The following TGM3 variants were observed in gnomAD, a reference collection of about 807,000 sequenced individuals.
TGM3 encodes the protein protein-glutamine gamma-glutamyltransferase E.
A neutral mutation model predicts 73.8 loss-of-function variants in TGM3; 52 were observed. The observed-to-expected ratio is 0.70, with a 90% CI of 0.56 to 0.89. The LOEUF (loss-of-function observed/expected upper bound fraction) is 0.89, where lower values mean the gene tolerates loss of function less well. TGM3 is among the 40% of genes least tolerant of loss of function. TGM3 has a pLI of 0.00. For synonymous variants in TGM3, 372 were observed against 354.9 expected (o/e 1.05, Z -0.54); for missense variants, 928 against 909.9 (o/e 1.02, Z -0.26).
At chr20:2,336,212 T>C (rs2084350493) in intron 11 of TGM3, among the ~76,000 whole-genome samples, 1 of 149,274 alleles carries the variant, frequency 6.7e-6, no homozygotes, top group Non-Finnish European at 1.5e-5. Flanking sequence ...CTGTAGCCCC[T>C]GTGCCTGATC....
rs1416236189 is a variant in TGM3, at chr20:2,339,873, T to A, written c.1820T>A (p.Val607Glu). Residue 607 changes from valine (V) to glutamate (E), a missense_variant, in exon 12 of 13, where the codon GTG (valine) becomes GAG (glutamate). Val to Glu is a moderately radical substitution (Grantham distance 121). Transcript: ENST00000381458. Reference protein sequence around the residue: ...LTLEVLNEARVRKPVNVQMLF... With the variant: ...LTLEVLNEARERKPVNVQMLF... Reference sequence around the variant, plus strand: ...CCATAGGTGCTGAACGAGGCTCGTGTGCGGAAGCCTGTGAACGTGCAGATG... The same window carrying A: ...CCATAGGTGCTGAACGAGGCTCGTGAGCGGAAGCCTGTGAACGTGCAGATG... The A allele has an allele frequency of 1.9e-6, 3 of 1,614,068 alleles. No homozygotes were observed. The highest frequency in any genetic ancestry group is 2.5e-6 in the Non-Finnish European group (3 of 1,180,028).
chr20:2,333,251 G>C (rs1374343682), intron 10 of TGM3, among the ~76,000 whole-genome samples: 1 of 152,204 alleles, frequency 6.6e-6, no homozygotes, highest in East Asian at 1.9e-4. Flanking sequence ...TGTCACACCT[G>C]TCAGAAAGAA....
chr20:2,318,872 CAAAT>C (rs2084249072), intron 7 of TGM3, among the ~76,000 whole-genome samples: 1 of 151,898 alleles, frequency 6.6e-6, no homozygotes, highest in African/African-American at 2.4e-5. Context: ...ACTGTTAAAA[CAAAT>C]AAATAACAAC....
Position 2,340,757 on chromosome 20 carries a change from G to C in TGM3, c.*176G>C. The C allele has an allele frequency of 1.2e-6, 1 of 849,304 alleles. No homozygotes were observed. The highest frequency in any genetic ancestry group is 1.9e-6 in the Non-Finnish European group (1 of 522,460). The allele number at this position is 849,304 out of a possible 1,614,324, so 52.6% of individuals were successfully genotyped here. A position where few individuals can be genotyped will look rare whatever the true frequency, so the allele number is the denominator to read the frequency against. On this transcript the variant is annotated 3_prime_UTR_variant, in exon 13 of 13. Coordinates refer to ENST00000381458, the MANE Select transcript of TGM3 (RefSeq NM_003245.4). ...CCCCTCTCCTCTCCCCCAGGTTGGG[G>C]CTGGGTCCACCCTGTCCTATGACTT...
chr20:2,335,468 T>C (rs1053235078), intron 11 of TGM3, among the ~76,000 whole-genome samples, 195 bp downstream of exon 11: 1 of 152,224 alleles, frequency 6.6e-6, no homozygotes, highest in Non-Finnish European at 1.5e-5. Flanking sequence ...CTCAGGCCCG[T>C]GTTCCTGCTC....
intron 5 of TGM3, 79 bp from the exon 6 acceptor site, chr20:2,316,989 G>C (rs989851972): frequency 1.3e-6 from 2 of 1,530,014 alleles, no homozygotes; most frequent in African/African-American, 2.7e-5. Context: ...TCCCCACCTT[G>C]TCCTCTGAAT....
At position 2,317,932 on chromosome 20, in the gene TGM3, T is replaced by TATATATATC. The variant is rs1555794814; in HGVS notation, c.983+455_983+456insCATATATAT. ...CACATCTTCTCTTAGCATATATATA[T>TATATATATC]ATATATATATCATATATATATATAT... is the stretch of plus-strand genomic sequence containing the variant. On this transcript the variant is annotated intron_variant, in intron 7 of 12. Coordinates refer to ENST00000381458, the MANE Select transcript of TGM3 (RefSeq NM_003245.4). 4.4e-3 allele frequency among the ~76,000 whole-genome samples: 632 copies of TATATATATC among 142,252 alleles called. 4 individuals are homozygous for TATATATATC. The highest frequency in any genetic ancestry group is 0.016 in the African/African-American group (589 of 36,652). 93.3% of individuals were successfully genotyped at this position (142,252 alleles called of 152,430 possible).
intron 7 of TGM3, among the ~76,000 whole-genome samples, chr20:2,318,205 G>C (rs1005809151): frequency 1.3e-5 from 2 of 152,046 alleles, no homozygotes; most frequent in African/African-American, 4.8e-5. Flanking sequence ...TTTTAGTAGA[G>C]ACAGGCTTTC....
chr20:2,339,857 C>T lies in TGM3; in HGVS notation c.1804C>T (p.Leu602=), dbSNP rs376241820. Residue 602 remains leucine, a synonymous_variant, in exon 12 of 13, where the codon CTG becomes TTG. Transcript: ENST00000381458. ...LDNPTLTLEV[L]NEARVRKPVN... is the part of the protein sequence containing the mutation. ...CGGCAGCCCCTCTCCCCCATAGGTG[C>T]TGAACGAGGCTCGTGTGCGGAAGCC... 1.2e-6 allele frequency: 2 copies of T among 1,613,930 alleles called. No homozygotes were observed. The highest frequency in any genetic ancestry group is 2.7e-5 in the African/African-American group (2 of 74,938).
chr20:2,339,762 C>T lies in TGM3; in HGVS notation c.1801-92C>T, dbSNP rs45482797. ...TTCTTCATCCTCAGTGACATCACCC[C>T]CTTCACTCAGTCACCCTGCCCAGCC... On this transcript the variant is annotated intron_variant, in intron 11 of 12. Coordinates refer to ENST00000381458, the MANE Select transcript of TGM3 (RefSeq NM_003245.4). 1,143 of 1,554,758 alleles carry T rather than the reference C, an allele frequency of 7.4e-4. 4 individuals carry two copies. The African/African-American group carries it at 0.014, about 19-fold the overall frequency.
intron 5 of TGM3, among the ~76,000 whole-genome samples, chr20:2,316,211 T>C (rs544895135): frequency 6.6e-5 from 10 of 152,290 alleles, no homozygotes; most frequent in Admixed American, 1.3e-4. Flanking sequence ...AATGAACAAA[T>C]AGCTGAATGA....
chr20:2,306,162 G>T (rs1484170472), intron 1 of TGM3, among the ~76,000 whole-genome samples: 1 of 152,164 alleles, frequency 6.6e-6, no homozygotes, highest in East Asian at 1.9e-4. Flanking sequence ...AGCAAAGAAG[G>T]GTGTGGGCCT....
chr20:2,329,019 C>G (rs45611240), intron 9 of TGM3, among the ~76,000 whole-genome samples: 1 of 152,240 alleles, frequency 6.6e-6, no homozygotes, highest in Admixed American at 6.5e-5. Context: ...AGCAGCGCAT[C>G]TCTTGGAGCA....
intron 8 of TGM3, among the ~76,000 whole-genome samples, chr20:2,327,470 G>A (rs2084294781): frequency 6.6e-6 from 1 of 152,066 alleles, no homozygotes; most frequent in African/African-American, 2.4e-5. Context: ...GAGCACGACT[G>A]CATCTCAAAA....
At chr20:2,330,645 C>T (rs1351868883) in intron 9 of TGM3, among the ~76,000 whole-genome samples, 1 of 152,182 alleles carries the variant, frequency 6.6e-6, no homozygotes, top group African/African-American at 2.4e-5. Context: ...ACGAGTTGGC[C>T]TCTGAAGTCT....
rs767417627 is a variant in TGM3, at chr20:2,317,432, T to A, written c.930T>A (p.Asp310Glu). 2 of 1,614,242 alleles carry A rather than the reference T, an allele frequency of 1.2e-6. No individual in the cohort carries two copies. The highest frequency in any genetic ancestry group is 2.2e-5 in the South Asian group (2 of 91,088). ...AHDTDRNLSV[D>E]VYYDPMGNPL... ...ACACAGACCGAAATCTCAGTGTGGA[T>A]GTGTACTACGACCCCATGGGAAACC... Residue 310 changes from aspartate (D) to glutamate (E), a missense_variant, in exon 7 of 13, where the codon GAT becomes GAA. By Grantham distance (45) the Asp-to-Glu change is conservative. Transcript: ENST00000381458.
intron 1 of TGM3, among the ~76,000 whole-genome samples, chr20:2,298,047 T>C (rs1278082954): frequency 9.6e-6 from 1 of 104,254 alleles, no homozygotes; most frequent in Non-Finnish European, 2.2e-5. Flanking sequence ...AGACAATGAG[T>C]TGGACTTGGT....
At chr20:2,308,157 G>A (rs899580129) in intron 1 of TGM3, among the ~76,000 whole-genome samples, 3 of 151,542 alleles carry the variant, frequency 2.0e-5, no homozygotes, top group Non-Finnish European at 4.4e-5. Context: ...AGGAGCCAGA[G>A]GTTGCAGTGA....
intron 1 of TGM3, among the ~76,000 whole-genome samples, chr20:2,301,890 A>AGGGTTTTGCCATGTTGGCCAGGC (rs2084150262): frequency 6.6e-6 from 1 of 152,156 alleles, no homozygotes; most frequent in Non-Finnish European, 1.5e-5. Flanking sequence ...TAGTAGAGAC[A>AGGGTTTTGCCATGTTGGCCAGGC]GGGTTTTGCC....
Sources: gnomAD v4.1 joint callset for allele counts (sites outside exome capture counted in the v4.1 genomes callset) on GRCh38, gnomAD v4.1.1 for gene constraint, MANE v1.5 for transcripts, NCBI Gene and HGNC (gene_info 2026-07-23, HGNC 2026-07-21) for gene names.